Variants in ROR2 observed in about 807,000 individuals in gnomAD.
ROR2 encodes ROR family WNT receptor 2, also known as tyrosine-protein kinase transmembrane receptor ROR2.
In ROR2, 33 loss-of-function variants were observed where a neutral mutation model predicts 74.9. That is an observed-to-expected ratio of 0.44 (90% CI 0.33 to 0.59). The LOEUF is 0.59. ROR2 is among the 20% of genes least tolerant of loss of function. ROR2 has a pLI of 0.02. For synonymous variants in ROR2, 586 were observed against 558.7 expected (o/e 1.05, Z -0.69); for missense variants, 1,216 against 1,313.8 (o/e 0.93, Z 1.15).
chr9:91,845,771 A>G (rs144582890), intron 1 of ROR2, among the ~76,000 whole-genome samples: 309 of 149,330 alleles, frequency 2.1e-3, no homozygotes, highest in African/African-American at 7.1e-3. Flanking sequence ...CATCCCAGCT[A>G]CTCAGCCGAC....
rs963225594 is a variant in ROR2, at chr9:91,734,033, G to A, written c.623-597C>T. Among the ~76,000 whole-genome samples, 6 of 152,320 alleles carry A rather than the reference G, an allele frequency of 3.9e-5. No homozygotes were observed. In the East Asian group the frequency reaches 1.2e-3, roughly 29 times the overall value. On this transcript the variant is annotated intron_variant, in intron 5 of 8. Coordinates refer to ENST00000375708, the MANE Select transcript of ROR2 (RefSeq NM_004560.4). ...ACTCTGGAAGGTTCTGTGATAAGGG[G>A]GAGCAGAAAAACCCGAAGATCCAGA... is the stretch of plus-strand genomic sequence containing the variant.
In ROR2 at chr9:91,848,629, C is replaced by T. The variant is rs1045714248; in HGVS notation, c.98-72811G>A. 2.0e-4 allele frequency among the ~76,000 whole-genome samples: 30 copies of T among 151,968 alleles called. 1 individual carries two copies. Among genetic ancestry groups the T allele is most frequent in the Non-Finnish European group, 8.8e-5 (6 of 68,000 alleles). ...ATTAGCCAGGTGTGGTGGTGCATGC[C>T]CATAATCCCAGATACTCGGGAGACT... is the stretch of plus-strand genomic sequence containing the variant. On this transcript the variant is annotated intron_variant, in intron 1 of 8. Coordinates refer to ENST00000375708, the MANE Select transcript of ROR2 (RefSeq NM_004560.4).
At chr9:91,843,925 G>A (rs997810795) in intron 1 of ROR2, among the ~76,000 whole-genome samples, 1 of 152,356 alleles carries the variant, frequency 6.6e-6, no homozygotes, top group East Asian at 1.9e-4. Context: ...CTGGGATGCC[G>A]GCCCTGCTGT....
At chr9:91,767,221 T>C (rs1053221900) in intron 2 of ROR2, among the ~76,000 whole-genome samples, 24 of 152,074 alleles carry the variant, frequency 1.6e-4, no homozygotes, top group African/African-American at 5.1e-4. Context: ...ATTATAGGCA[T>C]GCACCACCAC....
At chr9:91,792,857 T>C (rs1020511169) in intron 1 of ROR2, among the ~76,000 whole-genome samples, 1 of 152,062 alleles carries the variant, frequency 6.6e-6, no homozygotes, top group Non-Finnish European at 1.5e-5. Flanking sequence ...AAAATCTATA[T>C]AGATCTCTAT....
chr9:91,799,974 G>A (rs1827318890), intron 1 of ROR2, among the ~76,000 whole-genome samples: 2 of 152,210 alleles, frequency 1.3e-5, no homozygotes, highest in African/African-American at 4.8e-5. Context: ...GGCAGCACAA[G>A]CCGTTCAGGC....
chr9:91,928,625 C>T (rs898965341), intron 1 of ROR2, among the ~76,000 whole-genome samples: 2 of 152,216 alleles, frequency 1.3e-5, no homozygotes, highest in Admixed American at 6.5e-5. Context: ...CTGGGCAAGG[C>T]ATGCTGCTTC....
At chr9:91,892,897 C>T (rs1830457205) in intron 1 of ROR2, among the ~76,000 whole-genome samples, 1 of 152,098 alleles carries the variant, frequency 6.6e-6, no homozygotes, top group South Asian at 2.1e-4. Flanking sequence ...GCCACAGATA[C>T]TTTCTCTTTT....
chr9:91,817,907 T>C (rs1828000350), intron 1 of ROR2, among the ~76,000 whole-genome samples: 1 of 152,038 alleles, frequency 6.6e-6, no homozygotes. Context: ...TCTCCAGCTT[T>C]TGTTTATAGC....
intron 1 of ROR2, among the ~76,000 whole-genome samples, chr9:91,848,764 G>GAAAAAAAAAAAAAAAAAAAAAAAA (rs36044426): frequency 9.6e-6 from 1 of 103,756 alleles, no homozygotes. Context: ...CAGGGGGGAA[G>GAAAAAAAAAAAAAAAAAAAAAAAA]AAAAAAAAAA....
Position 91,860,818 on chromosome 9 carries a change from C to G in ROR2, c.98-85000G>C, listed in dbSNP as rs530823135. Among the ~76,000 whole-genome samples the G allele has an allele frequency of 3.3e-4, 50 of 152,346 alleles. No homozygotes were observed. In the Middle Eastern group the frequency reaches 0.01, roughly 31 times the overall value. ...CCACCAACTCCCACGCCAGTCTCCT[C>G]TGGAAACACCCTCACAGACACACCC... On this transcript the variant is annotated intron_variant, in intron 1 of 8. Coordinates refer to ENST00000375708, the MANE Select transcript of ROR2 (RefSeq NM_004560.4).
intron 1 of ROR2, among the ~76,000 whole-genome samples, chr9:91,909,157 T>C (rs994938659): frequency 6.6e-6 from 1 of 152,238 alleles, no homozygotes; most frequent in Non-Finnish European, 1.5e-5. Context: ...TCCATTTCCA[T>C]TGCTCTGTCT....
At chr9:91,775,111 T>C (rs1349479501) in intron 2 of ROR2, among the ~76,000 whole-genome samples, 2 of 152,212 alleles carry the variant, frequency 1.3e-5, no homozygotes, top group Non-Finnish European at 2.9e-5. Flanking sequence ...CCTCCAGAAC[T>C]AGGAAGTGTG....
chr9:91,788,344 A>C (rs939492085), intron 1 of ROR2, among the ~76,000 whole-genome samples: 5 of 152,230 alleles, frequency 3.3e-5, no homozygotes, highest in Non-Finnish European at 5.9e-5. Context: ...GTATTAATTT[A>C]CACATTTGAG....
chr9:91,815,559 G>A (rs1240203532), intron 1 of ROR2, among the ~76,000 whole-genome samples: 1 of 152,218 alleles, frequency 6.6e-6, no homozygotes, highest in Non-Finnish European at 1.5e-5. Flanking sequence ...GTGAGTTACA[G>A]GATTTTCACT....
intron 4 of ROR2, among the ~76,000 whole-genome samples, chr9:91,740,220 C>A (rs2118744893): frequency 6.6e-6 from 1 of 152,264 alleles, no homozygotes; most frequent in Non-Finnish European, 1.5e-5. Flanking sequence ...ACCCCGCTCA[C>A]ACTTCCCTCA....
At chr9:91,876,594 A>G (rs560470056) in intron 1 of ROR2, among the ~76,000 whole-genome samples, 1 of 152,362 alleles carries the variant, frequency 6.6e-6, no homozygotes, top group South Asian at 2.1e-4. Flanking sequence ...AGGTGCCAAG[A>G]TAAGAAAACA....
At chr9:91,883,069 T>C (rs549329304) in intron 1 of ROR2, among the ~76,000 whole-genome samples, 1 of 152,280 alleles carries the variant, frequency 6.6e-6, no homozygotes, top group South Asian at 2.1e-4. Flanking sequence ...TCCAAGGAAA[T>C]GCTCACTGGA....
intron 1 of ROR2, among the ~76,000 whole-genome samples, chr9:91,854,885 T>C (rs1829227045): frequency 6.6e-6 from 1 of 152,224 alleles, no homozygotes; most frequent in Admixed American, 6.5e-5. Context: ...AGCAGGGAAT[T>C]AGCAAAGCCT....
Sources: gnomAD v4.1 joint callset for allele counts (sites outside exome capture counted in the v4.1 genomes callset) on GRCh38, gnomAD v4.1.1 for gene constraint, MANE v1.5 for transcripts, NCBI Gene and HGNC (gene_info 2026-07-23, HGNC 2026-07-21) for gene names.